Variants in ZFHX3 observed in about 807,000 individuals in gnomAD.
ZFHX3 encodes the protein zinc finger homeobox protein 3.
ZFHX3 carries 42 observed loss-of-function variants against 279.1 expected under a neutral mutation model. The ratio of observed to expected loss-of-function variants is 0.15; its 90% CI spans 0.12 to 0.19. ZFHX3 has a LOEUF of 0.19. Among genes scored for constraint, ZFHX3 ranks in the 10% least tolerant of loss-of-function variants. ZFHX3 has a pLI of 1.00. For synonymous variants in ZFHX3, 2,293 were observed against 1,957.8 expected (o/e 1.17, Z -4.52); for missense variants, 4,981 against 4,754.0 (o/e 1.05, Z -1.40).
At chr16:72,956,963 G>A (rs981526384) in intron 2 of ZFHX3, among the ~76,000 whole-genome samples, 4 of 152,104 alleles carry the variant, frequency 2.6e-5, no homozygotes, top group Admixed American at 1.3e-4. Flanking sequence ...CTGTGGTTCC[G>A]AATTCCTATT....
At chr16:73,584,475 A>C (rs1428950859) in intron 2 of ZFHX3, among the ~76,000 whole-genome samples, 1 of 152,246 alleles carries the variant, frequency 6.6e-6, no homozygotes, top group East Asian at 1.9e-4. Context: ...TAAAATCAGC[A>C]ATATGTTAAG....
rs1220401803 is a variant in ZFHX3, at chr16:73,591,382, AAAC to A, written c.-1547+88795_-1547+88797del. Among the ~76,000 whole-genome samples, 735 of 150,186 alleles carry A rather than the reference AAAC, an allele frequency of 4.9e-3. 5 individuals carry two copies. The highest frequency in any genetic ancestry group is 0.016 in the African/African-American group (674 of 40,886). On this transcript the variant is annotated intron_variant, in intron 2 of 17. Coordinates refer to the ZFHX3 transcript ENST00000641206. Reference sequence around the variant, plus strand: ...ACAAAAAACAAACAAACAAACAAACAAACAAAAATCCAGAAAATAAAGCAGAGG... The same window carrying A: ...ACAAAAAACAAACAAACAAACAAACAAAAAATCCAGAAAATAAAGCAGAGG...
chr16:72,957,643 G>A lies in ZFHX3; in HGVS notation c.2503C>T (p.Leu835=), dbSNP rs1480579270. 1.2e-6 allele frequency: 2 copies of A among 1,614,058 alleles called. No homozygotes were observed. Among genetic ancestry groups the A allele is most frequent in the East Asian group, 4.5e-5 (2 of 44,880 alleles). ...SEKHMHNMML[L]QQNMTQIQHN... is the part of the protein sequence containing the mutation. ...TGGATCTGGGTCATGTTCTGTTGCA[G>A]TAACATCATGTTATGCATGTGCTTC... The change falls in exon 2 of 10, where the codon CTG becomes TTG. Residue 835 remains leucine, a synonymous_variant. Transcript: ENST00000268489.
At chr16:73,671,363 C>G (rs923112956) in intron 2 of ZFHX3, among the ~76,000 whole-genome samples, 2 of 152,114 alleles carry the variant, frequency 1.3e-5, no homozygotes, top group Non-Finnish European at 2.9e-5. Flanking sequence ...TTCGAGAATC[C>G]AGAGCTCTGC....
intron 2 of ZFHX3, among the ~76,000 whole-genome samples, chr16:73,509,110 C>T (rs533212375): frequency 3.9e-5 from 6 of 152,286 alleles, no homozygotes; most frequent in Admixed American, 6.5e-5. Context: ...GGCATAGCTC[C>T]TTTGTCTTTG....
intron 1 of ZFHX3, among the ~76,000 whole-genome samples, chr16:73,762,412 A>G (rs1394813269): frequency 6.6e-6 from 1 of 152,224 alleles, no homozygotes; most frequent in African/African-American, 2.4e-5. Flanking sequence ...TGTGGAAGAC[A>G]GTGTGGCGAT....
intron 2 of ZFHX3, among the ~76,000 whole-genome samples, chr16:73,563,232 T>C (rs539307603): frequency 1.4e-5 from 2 of 147,236 alleles, no homozygotes; most frequent in South Asian, 4.4e-4. Flanking sequence ...GTTTTGTTTT[T>C]GTTTTGTTTT....
chr16:73,883,616 G>A (rs982105608), intron 1 of ZFHX3, among the ~76,000 whole-genome samples: 11 of 151,964 alleles, frequency 7.2e-5, no homozygotes, highest in South Asian at 6.2e-4. Flanking sequence ...CCAGAAAGGC[G>A]CGGTAAAAAT....
chr16:73,580,492 A>AAAAC (rs71374573), intron 2 of ZFHX3, among the ~76,000 whole-genome samples: 63,157 of 144,932 alleles, frequency 0.44, 15,501 homozygotes, highest in East Asian at 0.74. Flanking sequence ...AACAAAAACA[A>AAAAC]AAACAAACAA....
intron 1 of ZFHX3, among the ~76,000 whole-genome samples, chr16:73,784,749 A>C (rs1959581572): frequency 6.8e-6 from 1 of 146,206 alleles, no homozygotes; most frequent in Non-Finnish European, 1.5e-5. Context: ...ATGTCTCAAA[A>C]ATTAAAAAAA....
intron 5 of ZFHX3, among the ~76,000 whole-genome samples, chr16:73,238,046 T>C (rs994413305): frequency 2.6e-5 from 4 of 152,230 alleles, no homozygotes; most frequent in African/African-American, 4.8e-5. Flanking sequence ...CTCTGAATCA[T>C]TGTATTCAGT....
In ZFHX3 at chr16:72,866,500, C is replaced by T. The variant is rs566984239; in HGVS notation, c.3448+23231G>A. On this transcript the variant is annotated intron_variant, in intron 4 of 9. Transcript: ENST00000268489. ...GGGATCATTTCTTTCATTAGATTAC[C>T]TGAAAAGGTAAGAAATCCTCAGGTT... Among the ~76,000 whole-genome samples the T allele has an allele frequency of 3.3e-5, 5 of 152,204 alleles. No individual in the cohort carries two copies. In the South Asian group the frequency reaches 1.0e-3, roughly 32 times the overall value.
chr16:73,847,904 GTTTTTTTTTTTTTT>G (rs60189791), intron 1 of ZFHX3, among the ~76,000 whole-genome samples: 7 of 80,074 alleles, frequency 8.7e-5, no homozygotes, highest in African/African-American at 1.8e-4. Context: ...TGCCTGGCTA[GTTTTTTTTTTTTTT>G]TTTTTTTTTT....
intron 4 of ZFHX3, among the ~76,000 whole-genome samples, chr16:72,839,928 G>C (rs1380723282): frequency 6.6e-6 from 1 of 152,178 alleles, no homozygotes; most frequent in African/African-American, 2.4e-5. Flanking sequence ...ACAAGCATCT[G>C]TCTTTCAATA....
chr16:73,266,516 G>A (rs1348742296), intron 4 of ZFHX3, among the ~76,000 whole-genome samples: 2 of 152,178 alleles, frequency 1.3e-5, no homozygotes, highest in Non-Finnish European at 2.9e-5. Context: ...CTGTGAAGGA[G>A]TAATATTCAT....
rs767507404 is a variant in ZFHX3, at chr16:72,795,151, G to A, written c.7531C>T (p.Pro2511Ser). 1.1e-5 allele frequency: 18 copies of A among 1,612,986 alleles called. 1 individual carries two copies. In the Admixed American group the frequency reaches 2.8e-4, roughly 25 times the overall value. ...PSQLSHLPLK[P>S]LHTSTPQQLA... The stretch of plus-strand genomic sequence containing the variant: ...TGTTGAGGAGTTGATGTGTGGAGGG[G>A]CTTGAGGGGCAGGTGGGAGAGCTGG... Residue 2511 changes from proline to serine, a missense_variant, in exon 9 of 10, where the codon CCC (proline) becomes TCC (serine). This residue lies in a region of ZFHX3 where 744 missense variants were observed against 701.3 expected (regional missense o/e 1.06). Coordinates refer to ENST00000268489, the MANE Select transcript of ZFHX3 (RefSeq NM_006885.4).
chr16:73,872,929 TGGGTGGTGGC>T (rs1451437561), intron 1 of ZFHX3, among the ~76,000 whole-genome samples: 1 of 960 alleles, frequency 1.0e-3, no homozygotes, highest in African/African-American at 8.2e-3. Context: ...TGGTGGGTGG[TGGGTGGTGGC>T]GGGTGGTGGA....
chr16:73,649,113 T>C (rs1645919025), intron 2 of ZFHX3, among the ~76,000 whole-genome samples: 1 of 152,228 alleles, frequency 6.6e-6, no homozygotes, highest in African/African-American at 2.4e-5. Context: ...ATACTTTCTA[T>C]GTTAACCATC....
At chr16:73,730,911 C>T (rs960969735) in intron 1 of ZFHX3, among the ~76,000 whole-genome samples, 1 of 152,178 alleles carries the variant, frequency 6.6e-6, no homozygotes, top group Admixed American at 6.5e-5. Flanking sequence ...CGCTGTGGTC[C>T]TGTCCAGGGC....
Sources: allele counts gnomAD v4.1 joint callset (sites outside exome capture counted in the v4.1 genomes callset), GRCh38; gene constraint gnomAD v4.1.1; regional missense constraint gnomAD v4.1.1; transcripts MANE v1.5; gene names NCBI Gene and HGNC (gene_info 2026-07-23, HGNC 2026-07-21).